Variants in SH3KBP1 observed in about 807,000 individuals in gnomAD.
The protein encoded by SH3KBP1 is SH3 domain containing kinase binding protein 1, also known as SH3 domain-containing kinase-binding protein 1.
Under a neutral mutation model 50.1 loss-of-function variants are expected in SH3KBP1, and 8 were observed. The ratio of observed to expected loss-of-function variants is 0.16; its 90% CI spans 0.09 to 0.29. The LOEUF (loss-of-function observed/expected upper bound fraction) is 0.29. Among genes scored for constraint, SH3KBP1 ranks in the 10% least tolerant of loss-of-function variants. The pLI is 1.00. For missense variants in SH3KBP1, 377 were observed against 535.2 expected (o/e 0.70, Z 2.92); for synonymous variants, 227 against 218.6 (o/e 1.04, Z -0.34).
At chrX:19,651,154 T>A (rs2062115493) in intron 6 of SH3KBP1, among the ~76,000 whole-genome samples, 1 of 110,806 alleles carries the variant, frequency 9.0e-6, no homozygotes, top group South Asian at 4.0e-4. Flanking sequence ...AGAAGCCCTG[T>A]GAGCCAGCTC....
intron 10 of SH3KBP1, among the ~76,000 whole-genome samples, chrX:19,594,432 G>C (rs2066835770): frequency 8.9e-6 from 1 of 112,232 alleles, no homozygotes; most frequent in Non-Finnish European, 1.9e-5. Flanking sequence ...ATAAGGAAAA[G>C]TATTTATTGC....
chrX:19,823,168 CCAGT>C (rs995033903), intron 2 of SH3KBP1, among the ~76,000 whole-genome samples: 3 of 111,371 alleles, frequency 2.7e-5, no homozygotes, highest in Non-Finnish European at 5.6e-5. Flanking sequence ...TCCAGAATCC[CCAGT>C]CAGTCTCCAC....
intron 6 of SH3KBP1, among the ~76,000 whole-genome samples, chrX:19,676,300 T>C (rs1440541069): frequency 3.7e-5 from 4 of 109,586 alleles, no homozygotes; most frequent in Non-Finnish European, 5.7e-5. Context: ...TTTAATTTTA[T>C]ATGATTATGC....
chrX:19,563,699 A>G (rs1264936700), intron 13 of SH3KBP1, among the ~76,000 whole-genome samples: 1 of 112,111 alleles, frequency 8.9e-6, no homozygotes, highest in East Asian at 2.8e-4. Context: ...ACGTCCACAC[A>G]TGGGCACCGC....
intron 6 of SH3KBP1, among the ~76,000 whole-genome samples, chrX:19,668,191 A>G (rs1426841782): frequency 9.0e-6 from 1 of 111,493 alleles, no homozygotes; most frequent in Non-Finnish European, 1.9e-5. Context: ...TGTGTACTGC[A>G]TGCATATTCA....
rs772533989 is a variant in SH3KBP1, at chrX:19,752,221, C to A, written c.163-5780G>T. On this transcript the variant is annotated intron_variant, in intron 2 of 17. Transcript: ENST00000397821. ...GTGCATCAGAAAACCAGAACTAGTA[C>A]TGACGTCATCATTTATCTGAGGTGT... Among the ~76,000 whole-genome samples the A allele has an allele frequency of 3.1e-4, 35 of 111,915 alleles. 1 individual carries two copies. The highest frequency in any genetic ancestry group is 2.8e-3 in the Admixed American group (30 of 10,572).
At chrX:19,676,040 G>A (rs184755734) in intron 6 of SH3KBP1, among the ~76,000 whole-genome samples, 1 of 111,572 alleles carries the variant, frequency 9.0e-6, no homozygotes, top group East Asian at 2.8e-4. Flanking sequence ...AATACCATCT[G>A]CTCATTAAAA....
At chrX:19,833,912 T>A (rs2067988107) in intron 2 of SH3KBP1, among the ~76,000 whole-genome samples, 2 of 111,722 alleles carry the variant, frequency 1.8e-5, no homozygotes, top group African/African-American at 6.5e-5. Flanking sequence ...CATTCACACC[T>A]CAACAGAGTC....
At chrX:19,692,256 TAG>T (rs1800792321) in intron 5 of SH3KBP1, among the ~76,000 whole-genome samples, 1 of 111,606 alleles carries the variant, frequency 9.0e-6, no homozygotes, top group Admixed American at 9.5e-5. Context: ...TAAGAAAGTT[TAG>T]AGACTTTCAT....
At position 19,706,955 on chromosome X, in the gene SH3KBP1, C is replaced by T. The variant is rs773851292; in HGVS notation, c.316G>A (p.Ala106Thr). The change falls in exon 4 of 18, where the codon GCA becomes ACA. Residue 106 changes from alanine to threonine, a missense_variant. Around this residue, in one of 3 missense-constraint regions of SH3KBP1, gnomAD observed 257 missense variants for 374.2 expected, o/e 0.69. Transcript: ENST00000397821. ...GERRRRRCQV[A>T]FSYLPQNDDE... ...TCATTCTGGGGCAGGTAGCTGAATGCCACCTGGCACCGGCGCCTCCGTCGC... is the reference window on the plus strand; with the variant it reads ...TCATTCTGGGGCAGGTAGCTGAATGTCACCTGGCACCGGCGCCTCCGTCGC... 3 of 1,209,855 alleles carry T rather than the reference C, an allele frequency of 2.5e-6. No homozygotes were observed. Among genetic ancestry groups the T allele is most frequent in the Admixed American group, 2.2e-5 (1 of 45,868 alleles).
At chrX:19,737,259 CT>C (rs1012873910) in intron 3 of SH3KBP1, among the ~76,000 whole-genome samples, 1 of 111,089 alleles carries the variant, frequency 9.0e-6, no homozygotes, top group Non-Finnish European at 1.9e-5. Context: ...AAAAACTTCC[CT>C]TTGGAAAGGA....
At chrX:19,790,561 G>A (rs1342563988) in intron 2 of SH3KBP1, among the ~76,000 whole-genome samples, 1 of 111,320 alleles carries the variant, frequency 9.0e-6, no homozygotes. Flanking sequence ...AATTTGATTA[G>A]GGATACATAT....
intron 2 of SH3KBP1, among the ~76,000 whole-genome samples, chrX:19,819,938 G>A (rs554489296): frequency 9.0e-6 from 1 of 111,570 alleles, no homozygotes; most frequent in South Asian, 3.7e-4. Flanking sequence ...CTATGTGTTT[G>A]TTTAATCTTT....
At chrX:19,588,491 C>G in intron 12 of SH3KBP1, 152 bp downstream of exon 12, 1 of 1,201,614 alleles carries the variant, frequency 8.3e-7, no homozygotes. Flanking sequence ...TGGCCGGTGT[C>G]TTCAGATAAT....
chrX:19,834,242 A>C (rs1334124950), intron 2 of SH3KBP1, among the ~76,000 whole-genome samples: 1 of 111,359 alleles, frequency 9.0e-6, no homozygotes, highest in East Asian at 2.8e-4. Context: ...GTCATAAAAA[A>C]CCCCTCCCAC....
chrX:19,704,492 T>C (rs1270338848), intron 4 of SH3KBP1, among the ~76,000 whole-genome samples: 2 of 113,090 alleles, frequency 1.8e-5, no homozygotes, highest in Non-Finnish European at 3.7e-5. Flanking sequence ...TTTCAATTCT[T>C]GTTCCCTTTC....
intron 6 of SH3KBP1, among the ~76,000 whole-genome samples, chrX:19,674,909 T>C (rs757024531): frequency 9.1e-6 from 1 of 109,720 alleles, no homozygotes; most frequent in South Asian, 3.9e-4. Context: ...TGAAACCCCG[T>C]CTCTACTAAA....
At chrX:19,867,805 T>C (rs1323711936) in intron 1 of SH3KBP1, among the ~76,000 whole-genome samples, 1 of 110,736 alleles carries the variant, frequency 9.0e-6, no homozygotes, top group African/African-American at 3.3e-5. Flanking sequence ...GCACATAAAT[T>C]TGACAAATTA....
intron 5 of SH3KBP1, among the ~76,000 whole-genome samples, chrX:19,692,342 A>G (rs188613498): frequency 5.4e-5 from 6 of 111,045 alleles, no homozygotes; most frequent in African/African-American, 2.0e-4. Context: ...CTGTCATTCA[A>G]AAATAAAAAT....
Sources: gnomAD v4.1 joint callset for allele counts (sites outside exome capture counted in the v4.1 genomes callset) on GRCh38, gnomAD v4.1.1 for gene constraint, gnomAD v4.1.1 regional missense constraint, MANE v1.5 for transcripts, NCBI Gene and HGNC (gene_info 2026-07-23, HGNC 2026-07-21) for gene names.